Variants in XK observed in about 807,000 individuals in gnomAD.
XK encodes X-linked Kx blood group antigen, Kell and VPS13A binding protein.
In XK, 2 loss-of-function variants were observed where a neutral mutation model predicts 14.0. The ratio of observed to expected loss-of-function variants is 0.14; its 90% confidence interval spans 0.06 to 0.45. XK has a LOEUF of 0.45. Ranked by LOEUF, XK falls within the 20% of genes least tolerant of loss-of-function variation. XK has a pLI of 0.98. For synonymous variants in XK, 149 were observed against 147.5 expected (o/e 1.01, Z -0.08); for missense variants, 235 against 341.5 (o/e 0.69, Z 2.46).
chrX:37,711,115 C>T (rs548166691), intron 2 of XK, among the ~76,000 whole-genome samples: 363 of 112,118 alleles, frequency 3.2e-3, no homozygotes, highest in Middle Eastern at 0.023. Context: ...TTTCTGACTC[C>T]TCTCAGTTTC....
intron 2 of XK, among the ~76,000 whole-genome samples, chrX:37,713,822 A>G (rs1927713326): frequency 8.9e-6 from 1 of 111,756 alleles, no homozygotes; most frequent in African/African-American, 3.3e-5. Flanking sequence ...AAATAGTATA[A>G]TTTTTGTATT....
intron 2 of XK, among the ~76,000 whole-genome samples, chrX:37,704,434 A>G (rs945787001): frequency 1.8e-5 from 2 of 111,509 alleles, no homozygotes; most frequent in Non-Finnish European, 3.8e-5. Flanking sequence ...CTACATGGGA[A>G]GCTGAGCTGG....
intron 2 of XK, among the ~76,000 whole-genome samples, chrX:37,711,475 T>A (rs1927664746): frequency 8.9e-6 from 1 of 112,648 alleles, no homozygotes; most frequent in Non-Finnish European, 1.9e-5. Context: ...GAGATGGTAG[T>A]TGATGGATAA....
At chrX:37,719,001 G>A (rs1029309452) in intron 2 of XK, among the ~76,000 whole-genome samples, 35 of 111,351 alleles carry the variant, frequency 3.1e-4, no homozygotes, top group African/African-American at 1.1e-3. Flanking sequence ...TTGTGGGCCT[G>A]AAATACTACT....
At chrX:37,705,666 T>C (rs1927510573) in intron 2 of XK, among the ~76,000 whole-genome samples, 2 of 111,478 alleles carry the variant, frequency 1.8e-5, no homozygotes, top group Admixed American at 1.9e-4. Flanking sequence ...GAAATATTTA[T>C]ACTAATAATA....
chrX:37,727,788 A>G lies in XK; in HGVS notation c.661A>G (p.Thr221Ala), dbSNP rs1235612837. The change falls in exon 3 of 3, where the codon ACT (threonine) becomes GCT (alanine). Residue 221 changes from threonine to alanine, a missense_variant. By Grantham distance (58) the Thr-to-Ala change is moderately conservative. Coordinates refer to ENST00000378616, the MANE Select transcript of XK (RefSeq NM_021083.4). ...IFLWRSFEIA[T>A]RVVVLVLFTS... ...CCTGTGGAGGAGCTTTGAGATTGCC[A>G]CTCGAGTTGTAGTCCTGGTCCTCTT... The G allele has an allele frequency of 8.3e-7, 1 of 1,208,593 alleles. No homozygotes were observed. The highest frequency in any genetic ancestry group is 1.1e-6 in the Non-Finnish European group (1 of 894,778).
At chrX:37,712,025 T>C (rs2146825564) in intron 2 of XK, among the ~76,000 whole-genome samples, 1 of 111,723 alleles carries the variant, frequency 9.0e-6, no homozygotes, top group Non-Finnish European at 1.9e-5. Context: ...AAGGTGGTGG[T>C]CACGATAGGG....
chrX:37,688,524 C>A lies in XK; in HGVS notation c.245+2318C>A, dbSNP rs369189046. Among the ~76,000 whole-genome samples the A allele has an allele frequency of 8.9e-5, 10 of 111,931 alleles. No homozygotes were observed. The East Asian group carries it at 2.2e-3, about 25-fold the overall frequency. On this transcript the variant is annotated intron_variant, in intron 1 of 2. Coordinates refer to ENST00000378616, the MANE Select transcript of XK (RefSeq NM_021083.4). ...CATTGAATCCTCACCATGACATAGA[C>A]GTAATTGTCCCCATTTTGTAGGTGA...
At chrX:37,710,137 C>T (rs188425131) in intron 2 of XK, among the ~76,000 whole-genome samples, 1 of 112,268 alleles carries the variant, frequency 8.9e-6, no homozygotes, top group East Asian at 2.8e-4. Context: ...GATTGTTAGA[C>T]CTTAAAATTG....
rs1451555485 is a variant in XK at position 37,728,565 on chromosome X, G to C, written c.*103G>C. On this transcript the variant is annotated 3_prime_UTR_variant, in exon 3 of 3. Transcript: ENST00000378616. ...ACACAGGGAACAAGGCAGGAAGTTA[G>C]CTGTTAACTCCTTGTGAGCTGCTTC... The C allele has an allele frequency of 4.3e-5, 36 of 835,857 alleles. No homozygotes were observed. Among genetic ancestry groups the C allele is most frequent in the Non-Finnish European group, 6.1e-5 (35 of 572,666 alleles). The allele number at this position is 835,857 out of a possible 1,213,427, so 68.9% of individuals were successfully genotyped here.
At chrX:37,719,744 T>A (rs1470427904) in intron 2 of XK, among the ~76,000 whole-genome samples, 1 of 111,441 alleles carries the variant, frequency 9.0e-6, no homozygotes, top group East Asian at 2.8e-4. Flanking sequence ...CCATGTCAGA[T>A]TATTACAAAA....
At chrX:37,705,188 G>A (rs955538621) in intron 2 of XK, among the ~76,000 whole-genome samples, 9 of 111,021 alleles carry the variant, frequency 8.1e-5, no homozygotes, top group African/African-American at 2.3e-4. Flanking sequence ...GCTCACGCCT[G>A]TAATCCCAGC....
chrX:37,697,540 T>TCTC (rs1569473185), intron 2 of XK, among the ~76,000 whole-genome samples: 1 of 112,268 alleles, frequency 8.9e-6, no homozygotes. Flanking sequence ...AACTCTCTCC[T>TCTC]CTCTCTCTGA....
intron 1 of XK, among the ~76,000 whole-genome samples, chrX:37,693,873 CAA>C (rs782481140): frequency 8.9e-6 from 1 of 111,994 alleles, no homozygotes; most frequent in Non-Finnish European, 1.9e-5. Flanking sequence ...AGCAATATGA[CAA>C]AGTGGGTATT....
At chrX:37,705,262 G>A (rs891180551) in intron 2 of XK, among the ~76,000 whole-genome samples, 5 of 107,605 alleles carry the variant, frequency 4.6e-5, no homozygotes, top group South Asian at 4.1e-4. Flanking sequence ...TGGCTAACAT[G>A]GTGAAACCCC....
rs1489403873 is a variant in XK at position 37,729,657 on chromosome X, A to G, written c.*1195A>G. ...GCATATCCTCAATTATCTTGGAAAAATGCGTAGATCTAGTGCCATTATTTC... is the reference window on the plus strand; with the variant it reads ...GCATATCCTCAATTATCTTGGAAAAGTGCGTAGATCTAGTGCCATTATTTC... On this transcript the variant is annotated 3_prime_UTR_variant, in exon 3 of 3. Transcript: ENST00000378616. 1 of 111,492 alleles carries G rather than the reference A, an allele frequency of 9.0e-6. No individual in the cohort carries two copies. The highest frequency in any genetic ancestry group is 1.9e-5 in the Non-Finnish European group (1 of 53,064). 9.2% of individuals were successfully genotyped at this position (111,492 alleles called of 1,213,427 possible).
rs937837375 is a variant in XK at position 37,729,868 on chromosome X, C to T, written c.*1406C>T. On this transcript the variant is annotated 3_prime_UTR_variant, in exon 3 of 3. Coordinates refer to ENST00000378616, the MANE Select transcript of XK (RefSeq NM_021083.4). ...ACGTATTTATCTGGCCATTGCACTT[C>T]GGATAATTTTCATTTTTAATTCCTC... 2 of 111,414 alleles carry T rather than the reference C, an allele frequency of 1.8e-5. No individual in the cohort carries two copies. 9.2% of individuals were successfully genotyped at this position (111,414 alleles called of 1,213,427 possible).
chrX:37,686,331 T>C, intron 1 of XK, 125 bp downstream of exon 1: 1 of 1,113,630 alleles, frequency 9.0e-7, no homozygotes, highest in East Asian at 3.3e-5. Context: ...CCCAAGCCGG[T>C]CCGCCATGCC....
chrX:37,701,112 T>A (rs1379032912), intron 2 of XK, among the ~76,000 whole-genome samples: 3 of 111,983 alleles, frequency 2.7e-5, no homozygotes, highest in African/African-American at 9.7e-5. Context: ...CTCTCTGGCC[T>A]AGGACATGCA....
Sources: allele counts gnomAD v4.1 joint callset (sites outside exome capture counted in the v4.1 genomes callset), GRCh38; gene constraint gnomAD v4.1.1; transcripts MANE v1.5; gene names NCBI Gene and HGNC (gene_info 2026-07-23, HGNC 2026-07-21).